SLC25A21: variants seen among roughly 807,000 people sequenced by gnomAD.
SLC25A21 encodes mitochondrial 2-oxodicarboxylate carrier.
A neutral mutation model predicts 43.8 loss-of-function variants in SLC25A21; 47 were observed. The observed-to-expected ratio is 1.07, with a 90% CI of 0.85 to 1.37. The LOEUF (loss-of-function observed/expected upper bound fraction) is 1.37. Ranked by LOEUF, SLC25A21 falls within the 40% of genes most tolerant of loss-of-function variation. The pLI, the probability that SLC25A21 is intolerant of heterozygous loss-of-function variation, is 0.00. For synonymous variants in SLC25A21, 131 were observed against 121.3 expected (o/e 1.08, Z -0.52); for missense variants, 352 against 350.2 (o/e 1.00, Z -0.04).
At chr14:36,751,120 C>T (rs866731037) in intron 3 of SLC25A21, among the ~76,000 whole-genome samples, 1 of 152,226 alleles carries the variant, frequency 6.6e-6, no homozygotes, top group Non-Finnish European at 1.5e-5. Flanking sequence ...GTCTTGCCTA[C>T]ATCTTCTCAA....
chr14:37,014,321 T>C (rs996001628), intron 1 of SLC25A21, among the ~76,000 whole-genome samples: 3 of 152,216 alleles, frequency 2.0e-5, no homozygotes, highest in Admixed American at 6.5e-5. Flanking sequence ...CTGCAACTGA[T>C]ATGACAACTA....
intron 1 of SLC25A21, among the ~76,000 whole-genome samples, chr14:37,066,604 C>G (rs1477351146): frequency 6.6e-6 from 1 of 152,064 alleles, no homozygotes; most frequent in Non-Finnish European, 1.5e-5. Flanking sequence ...ATAAACACTG[C>G]AGTACTCAGG....
intron 7 of SLC25A21, among the ~76,000 whole-genome samples, chr14:36,697,751 C>CTTTTTTTTTTTTTTTTTTTTTTTTT (rs1883096336): frequency 1.1e-4 from 8 of 73,954 alleles, no homozygotes; most frequent in Non-Finnish European, 7.7e-5. Flanking sequence ...TTTTTTTTTG[C>CTTTTTTTTTTTTTTTTTTTTTTTTT]TTTCCATTTG....
chr14:36,987,584 T>G (rs1310487794), intron 1 of SLC25A21, among the ~76,000 whole-genome samples: 2 of 152,200 alleles, frequency 1.3e-5, no homozygotes, highest in Non-Finnish European at 2.9e-5. Context: ...CGTTAATATT[T>G]CCTCACCTCA....
chr14:36,754,735 G>GA (rs11415759), intron 3 of SLC25A21, among the ~76,000 whole-genome samples: 88,574 of 150,122 alleles, frequency 0.59, 27,975 homozygotes, highest in African/African-American at 0.84. Flanking sequence ...GCCCAAAAGA[G>GA]AAAAAAAAAG....
At chr14:37,154,698 G>A (rs779661037) in intron 1 of SLC25A21, among the ~76,000 whole-genome samples, 14 of 149,540 alleles carry the variant, frequency 9.4e-5, no homozygotes, top group Non-Finnish European at 1.8e-4. Context: ...GCTGGAGTGC[G>A]ATAGCATGAT....
chr14:36,785,365 T>A lies in SLC25A21; in HGVS notation c.203+28553A>T, dbSNP rs185558460. 5.2e-4 allele frequency among the ~76,000 whole-genome samples: 79 copies of A among 152,326 alleles called. 1 individual carries two copies. The highest frequency in any genetic ancestry group is 6.8e-3 in the Middle Eastern group (2 of 294). On this transcript the variant is annotated intron_variant, in intron 3 of 9. Coordinates refer to ENST00000331299, the MANE Select transcript of SLC25A21 (RefSeq NM_030631.4). Reference sequence around the variant, plus strand: ...AGCATGTTTGATGAATTCATTGCCATGCATTTAATAGTCTAACGCATCCCT... The same window carrying A: ...AGCATGTTTGATGAATTCATTGCCAAGCATTTAATAGTCTAACGCATCCCT...
chr14:37,128,225 A>G (rs1160387774), intron 1 of SLC25A21, among the ~76,000 whole-genome samples: 2 of 152,180 alleles, frequency 1.3e-5, no homozygotes, highest in Non-Finnish European at 2.9e-5. Context: ...GGCAACCACC[A>G]CAAGTTAGGA....
At chr14:36,747,761 G>A (rs1303456768) in intron 3 of SLC25A21, among the ~76,000 whole-genome samples, 2 of 152,128 alleles carry the variant, frequency 1.3e-5, no homozygotes, top group Admixed American at 6.5e-5. Context: ...ATTTCTGGAG[G>A]TGCCCCCTAG....
At chr14:37,142,979 A>G (rs1416534825) in intron 1 of SLC25A21, among the ~76,000 whole-genome samples, 4 of 152,148 alleles carry the variant, frequency 2.6e-5, no homozygotes, top group African/African-American at 9.7e-5. Context: ...TGCATTCCCT[A>G]CAGGCAAAGG....
At position 36,919,649 on chromosome 14, in the gene SLC25A21, A is replaced by ATCTG. The variant is rs1555336819; in HGVS notation, c.71-44646_71-44645insCAGA. Among the ~76,000 whole-genome samples, 1,306 of 149,738 alleles carry ATCTG rather than the reference A, an allele frequency of 8.7e-3. 26 individuals are homozygous for ATCTG. Among genetic ancestry groups the ATCTG allele is most frequent in the African/African-American group, 0.031 (1,209 of 39,492 alleles). On this transcript the variant is annotated intron_variant, in intron 1 of 9. Transcript: ENST00000331299. ...TATCTATCTATCTATCTATCTATCT[A>ATCTG]TCTATCTATCTATCTATCTCTATTT...
chr14:37,168,787 G>C (rs1326918307), intron 1 of SLC25A21, among the ~76,000 whole-genome samples: 1 of 152,158 alleles, frequency 6.6e-6, no homozygotes, highest in Non-Finnish European at 1.5e-5. Flanking sequence ...GAGGACACCA[G>C]GGGAACACAA....
chr14:36,711,045 T>C (rs951700955), intron 7 of SLC25A21, among the ~76,000 whole-genome samples: 2 of 152,200 alleles, frequency 1.3e-5, no homozygotes, highest in Non-Finnish European at 2.9e-5. Context: ...TAAAAATAGC[T>C]TCTTCAAGAA....
chr14:36,897,877 C>T (rs1461898616), intron 1 of SLC25A21, among the ~76,000 whole-genome samples: 2 of 152,162 alleles, frequency 1.3e-5, no homozygotes, highest in Admixed American at 6.5e-5. Flanking sequence ...ATGTTGCTGC[C>T]TGATCGTTCC....
At chr14:36,693,888 C>G (rs1312856426) in intron 7 of SLC25A21, among the ~76,000 whole-genome samples, 1 of 151,978 alleles carries the variant, frequency 6.6e-6, no homozygotes, top group Non-Finnish European at 1.5e-5. Context: ...ACCCATCAGC[C>G]CCACAAAAGT....
chr14:37,025,351 GA>G (rs1247961612), intron 1 of SLC25A21, among the ~76,000 whole-genome samples: 1 of 152,090 alleles, frequency 6.6e-6, no homozygotes, highest in Non-Finnish European at 1.5e-5. Context: ...AGAACTCTGG[GA>G]ACTACAGAGT....
chr14:36,826,175 G>A (rs563578245), intron 2 of SLC25A21, among the ~76,000 whole-genome samples: 3 of 152,156 alleles, frequency 2.0e-5, no homozygotes, highest in African/African-American at 7.2e-5. Flanking sequence ...TTAATAACAG[G>A]CAAGTCTTCC....
chr14:37,048,125 C>T (rs1353173343), intron 1 of SLC25A21, among the ~76,000 whole-genome samples: 2 of 152,106 alleles, frequency 1.3e-5, no homozygotes, highest in Non-Finnish European at 2.9e-5. Flanking sequence ...TGTTTGTGTA[C>T]CCATTTAGGC....
intron 1 of SLC25A21, among the ~76,000 whole-genome samples, chr14:36,889,288 T>A (rs1406370746): frequency 6.6e-6 from 1 of 152,198 alleles, no homozygotes; most frequent in Non-Finnish European, 1.5e-5. Context: ...ATAATCTTTA[T>A]TTCCACAAGA....
Sources: allele counts gnomAD v4.1 joint callset (sites outside exome capture counted in the v4.1 genomes callset), GRCh38; gene constraint gnomAD v4.1.1; transcripts MANE v1.5; gene names NCBI Gene and HGNC (gene_info 2026-07-23, HGNC 2026-07-21).